Variants in PRMT2 observed in about 807,000 individuals in gnomAD.
The protein encoded by PRMT2 is protein arginine N-methyltransferase 2.
A neutral mutation model predicts 57.6 loss-of-function variants in PRMT2; 26 were observed. The ratio of observed to expected loss-of-function variants is 0.45; its 90% confidence interval spans 0.33 to 0.63. PRMT2 has a LOEUF of 0.63. PRMT2 is among the 20% of genes least tolerant of loss of function. The pLI is 0.02. For missense variants in PRMT2, 472 were observed against 564.4 expected (o/e 0.84, Z 1.66); for synonymous variants, 219 against 220.0 (o/e 1.00, Z 0.04).
Position 46,644,357 on chromosome 21 carries a change from G to A in PRMT2, c.196G>A (p.Asp66Asn), listed in dbSNP as rs748148055. The A allele has an allele frequency of 3.1e-6, 5 of 1,611,878 alleles. No homozygotes were observed. The highest frequency in any genetic ancestry group is 3.3e-4 in the Middle Eastern group (2 of 6,052). ...TCTTATCCTGAGACAAACCACTGCA[G>A]ATTGGTGGTGGGGTGAGCGTGCGGG... ...KILILRQTTA[D>N]WWWGERAGCC... is the part of the protein sequence containing the mutation. The change falls in exon 5 of 12, where the codon GAT becomes AAT. Residue 66 changes from aspartate to asparagine, a missense_variant. Around this residue, in one of 2 missense-constraint regions of PRMT2, gnomAD observed 243 missense variants for 347.2 expected, o/e 0.70. Transcript: ENST00000355680.
At chr21:46,663,159 G>C (rs182301672) in intron 10 of PRMT2, among the ~76,000 whole-genome samples, 10 of 152,356 alleles carry the variant, frequency 6.6e-5, no homozygotes, top group Admixed American at 2.0e-4. Context: ...TTTGATCCCA[G>C]TGTATCCCAT....
chr21:46,655,301 C>T (rs994392775), intron 7 of PRMT2, among the ~76,000 whole-genome samples: 2 of 151,970 alleles, frequency 1.3e-5, no homozygotes, highest in Non-Finnish European at 2.9e-5. Context: ...ATGTAAAAAT[C>T]CTCAAGAAAA....
chr21:46,640,866 A>G (rs950330775), intron 3 of PRMT2, among the ~76,000 whole-genome samples: 26 of 145,894 alleles, frequency 1.8e-4, no homozygotes, highest in Non-Finnish European at 9.0e-5. Flanking sequence ...TTTTTTTTTC[A>G]TTTTGTGCTT....
intron 3 of PRMT2, 60 bp from the exon 4 acceptor site, chr21:46,643,475 C>CAAAAAA (rs34541039): frequency 1.1e-5 from 13 of 1,232,946 alleles, no homozygotes; most frequent in Non-Finnish European, 1.3e-5. Context: ...ATAATATAGC[C>CAAAAAA]AAAAAAAAAA....
At chr21:46,663,585 G>A (rs774475129) in intron 11 of PRMT2, 31 bp downstream of exon 11, 1 of 1,601,138 alleles carries the variant, frequency 6.2e-7, no homozygotes, top group Admixed American at 1.7e-5. Context: ...ATTCTGTCCT[G>A]TGGGTGCCGG....
At chr21:46,663,006 G>C (rs1260546620) in intron 10 of PRMT2, among the ~76,000 whole-genome samples, 1 of 152,136 alleles carries the variant, frequency 6.6e-6, no homozygotes, top group Non-Finnish European at 1.5e-5. Context: ...CACCACACGG[G>C]ACCTTTAGTG....
chr21:46,640,352 A>T (rs539730613), intron 3 of PRMT2, among the ~76,000 whole-genome samples: 3 of 151,128 alleles, frequency 2.0e-5, no homozygotes, highest in South Asian at 2.1e-4. Context: ...TTCATGTAGG[A>T]TCATTTCCCT....
chr21:46,652,449 G>A, intron 7 of PRMT2: 1 of 1,044,350 alleles, frequency 9.6e-7, no homozygotes. Context: ...CCTCATGGAA[G>A]GTGAGCAGGG....
intron 7 of PRMT2, among the ~76,000 whole-genome samples, chr21:46,655,470 C>T (rs942368577): frequency 6.6e-6 from 1 of 152,026 alleles, no homozygotes; most frequent in African/African-American, 2.4e-5. Flanking sequence ...ATGATTATAT[C>T]AATACAGAAA....
rs774731333 is a variant in PRMT2, at chr21:46,660,829, C to G, written c.831-4C>G. The stretch of plus-strand genomic sequence containing the variant: ...TCAACAGTCGCTTTGACCTTTTCCC[C>G]TAGATCTTTAGCAGTTAAGGAGTTT... On this transcript the variant is annotated splice_polypyrimidine_tract_variant and splice_region_variant and intron_variant, in intron 8 of 11. Transcript: ENST00000355680. The G allele has an allele frequency of 1.9e-6, 3 of 1,613,360 alleles. No individual in the cohort carries two copies. Among genetic ancestry groups the G allele is most frequent in the Admixed American group, 1.7e-5 (1 of 59,760 alleles).
At chr21:46,654,964 C>A (rs1022774027) in intron 7 of PRMT2, 1 of 972,940 alleles carries the variant, frequency 1.0e-6, no homozygotes, top group African/African-American at 1.8e-5. Flanking sequence ...AAAGAAGGTC[C>A]ATGAAATGGA....
intron 5 of PRMT2, among the ~76,000 whole-genome samples, chr21:46,645,669 C>T (rs1406965667): frequency 6.6e-6 from 1 of 151,408 alleles, no homozygotes; most frequent in Admixed American, 6.6e-5. Context: ...TAACGTTTGA[C>T]TCAATTATAT....
intron 3 of PRMT2, among the ~76,000 whole-genome samples, chr21:46,640,473 G>A (rs574030006): frequency 8.2e-5 from 11 of 134,652 alleles, no homozygotes; most frequent in East Asian, 2.1e-4. Flanking sequence ...ACGGAGTCTC[G>A]CTCTGTCGCC....
At chr21:46,654,173 A>T in intron 7 of PRMT2, 1 of 976,378 alleles carries the variant, frequency 1.0e-6, no homozygotes, top group Non-Finnish European at 1.2e-6. Context: ...TTGTACAGAA[A>T]TTTATGTTAA....
rs1356511830 is a variant in PRMT2, at chr21:46,649,631, G to A, written c.546G>A (p.Gln182=). 3 of 1,614,028 alleles carry A rather than the reference G, an allele frequency of 1.9e-6. No individual in the cohort carries two copies. The highest frequency in any genetic ancestry group is 4.5e-5 in the East Asian group (2 of 44,892). ...AGCACACGGGGCAGCTGGTCCTGCAGAACGGCTTTGCTGACATCATCACCG... is the reference window on the plus strand; with the variant it reads ...AGCACACGGGGCAGCTGGTCCTGCAAAACGGCTTTGCTGACATCATCACCG... ...MAQHTGQLVL[Q]NGFADIITVY... The change falls in exon 7 of 12, where the codon CAG becomes CAA. Residue 182 remains glutamine (Q), a synonymous_variant. Transcript: ENST00000355680. This position sits in a 1 kb window ranked among gnomAD's most constrained non-coding sequence, Gnocchi z 4.8.
chr21:46,651,662 A>T, intron 7 of PRMT2: 1 of 893,654 alleles, frequency 1.1e-6, no homozygotes, highest in South Asian at 1.6e-5. Context: ...CAGGCCAAGG[A>T]GGCCCAGAAC....
At position 46,649,761 on chromosome 21, in the gene PRMT2, G is replaced by T; in HGVS notation, c.654+22G>T. 6.2e-7 allele frequency: 1 copy of T among 1,606,114 alleles called. No homozygotes were observed. Among genetic ancestry groups the T allele is most frequent in the South Asian group, 1.1e-5 (1 of 90,008 alleles). On this transcript the variant is annotated intron_variant, in intron 7 of 11. Coordinates refer to ENST00000355680, the MANE Select transcript of PRMT2 (RefSeq NM_206962.4). This position sits in a 1 kb window ranked among gnomAD's most constrained non-coding sequence, Gnocchi z 4.8. ...GCTGGTGAGGGCGGGCGTGCGGGCA[G>T]CTGGGGGCCGGAGCTGGGGGGCTTC... is the stretch of plus-strand genomic sequence containing the variant.
At chr21:46,662,825 A>G (rs2061651018) in intron 10 of PRMT2, among the ~76,000 whole-genome samples, 1 of 152,016 alleles carries the variant, frequency 6.6e-6, no homozygotes, top group South Asian at 2.1e-4. Flanking sequence ...TTCCCCCCAA[A>G]TGTGACAGTT....
At chr21:46,636,574 C>T (rs1281640967) in intron 2 of PRMT2, 27 bp downstream of exon 2, 2 of 196,898 alleles carry the variant, frequency 1.0e-5, no homozygotes, top group Admixed American at 5.9e-5. Context: ...GGAATTAAAG[C>T]TATCACACTT....
Sources: allele counts gnomAD v4.1 joint callset (sites outside exome capture counted in the v4.1 genomes callset), GRCh38; gene constraint gnomAD v4.1.1; regional missense constraint gnomAD v4.1.1; non-coding constraint Gnocchi (gnomAD v3.1); transcripts MANE v1.5; gene names NCBI Gene and HGNC (gene_info 2026-07-23, HGNC 2026-07-21).